Variants in PSME4 observed in about 807,000 individuals in gnomAD.
The protein encoded by PSME4 is proteasome activator subunit 4.
A neutral mutation model predicts 253.9 loss-of-function variants in PSME4; 89 were observed. That is an observed-to-expected ratio of 0.35 (90% confidence interval 0.30 to 0.42). The LOEUF (loss-of-function observed/expected upper bound fraction) is 0.42, where lower values mean the gene tolerates loss of function less well. PSME4 is among the 10% of genes least tolerant of loss of function. The probability of loss-of-function intolerance (pLI) is 1.00; values close to 1 mark genes in which losing one functional copy is unlikely to be tolerated. For synonymous variants in PSME4, 851 were observed against 759.2 expected (o/e 1.12, Z -1.99); for missense variants, 2,014 against 2,195.2 (o/e 0.92, Z 1.65).
intron 17 of PSME4, 28 bp downstream of exon 17, chr2:53,922,489 T>C (rs1265298164): frequency 1.0e-5 from 16 of 1,604,336 alleles, no homozygotes; most frequent in African/African-American, 2.7e-5. Context: ...TTCACAGTCA[T>C]GTTTCTTATT....
At chr2:53,909,227 G>T (rs966133219) in intron 21 of PSME4, among the ~76,000 whole-genome samples, 1 of 152,112 alleles carries the variant, frequency 6.6e-6, no homozygotes. Flanking sequence ...AATTAGTTGT[G>T]GGTGACGTAA....
intron 24 of PSME4, 138 bp downstream of exon 24, chr2:53,908,182 T>C: frequency 1.6e-6 from 1 of 634,178 alleles, no homozygotes; most frequent in South Asian, 2.3e-5. Flanking sequence ...CCATGATGTT[T>C]TTAACTTTTA....
At chr2:53,954,375 C>T (rs537861615) in intron 1 of PSME4, among the ~76,000 whole-genome samples, 2 of 152,158 alleles carry the variant, frequency 1.3e-5, no homozygotes, top group South Asian at 2.1e-4. Context: ...CGCCATGGCT[C>T]ATGCCTGAAA....
At chr2:53,951,941 T>C (rs563389144) in intron 1 of PSME4, among the ~76,000 whole-genome samples, 9 of 152,294 alleles carry the variant, frequency 5.9e-5, no homozygotes, top group South Asian at 2.1e-4. Context: ...TTTTGGGCTG[T>C]TGAATAAGCA....
intron 20 of PSME4, among the ~76,000 whole-genome samples, chr2:53,913,331 C>T (rs544851854): frequency 1.7e-3 from 266 of 152,094 alleles, no homozygotes; most frequent in African/African-American, 6.2e-3. Flanking sequence ...ATGATTAGAG[C>T]AGGACTATGA....
At chr2:53,968,545 T>C (rs771024653) in intron 1 of PSME4, among the ~76,000 whole-genome samples, 1 of 152,174 alleles carries the variant, frequency 6.6e-6, no homozygotes, top group Non-Finnish European at 1.5e-5. Flanking sequence ...CACCTTAACA[T>C]GACTTAGGAA....
chr2:53,906,611 C>T lies in PSME4; in HGVS notation c.2930G>A (p.Ser977Asn). 6.3e-7 allele frequency: 1 copy of T among 1,590,948 alleles called. No individual in the cohort carries two copies. The highest frequency in any genetic ancestry group is 8.5e-7 in the Non-Finnish European group (1 of 1,170,114). The change falls in exon 26 of 47, where the codon AGT becomes AAT. Residue 977 changes from serine (S) to asparagine (N), a missense_variant. By Grantham distance (46) the Ser-to-Asn change is conservative (BLOSUM62 1). Around this residue, in one of 4 missense-constraint regions of PSME4, gnomAD observed 989 missense variants for 1,021.1 expected, o/e 0.97. Coordinates refer to ENST00000404125, the MANE Select transcript of PSME4 (RefSeq NM_014614.3). ...GATAAGCCTTACCTGACTGTATGAA[C>T]TTGTAGATAAACGAAGAAGATCTCT... Reference protein sequence around the residue: ...MIRDLLRLSTSSYSQVRNKAQ... With the variant: ...MIRDLLRLSTNSYSQVRNKAQ...
intron 3 of PSME4, among the ~76,000 whole-genome samples, chr2:53,940,952 C>CATATTTAAATATATATATATATATAT (rs61078234): frequency 1.2e-4 from 3 of 24,026 alleles, no homozygotes; most frequent in African/African-American, 1.6e-4. Context: ...TATATATATA[C>CATATTTAAATATATATATATATATAT]ATATATATAT....
At position 53,921,842 on chromosome 2, in the gene PSME4, T is replaced by C. The variant is rs193282154; in HGVS notation, c.2046+675A>G. ...GAGATCGTGCCACTGCACTCCAGCC[T>C]GGGCGACAGAGCGAGACTCCGTCTC... On this transcript the variant is annotated intron_variant, in intron 17 of 46. Transcript: ENST00000404125. Among the ~76,000 whole-genome samples, 145 of 126,390 alleles carry C rather than the reference T, an allele frequency of 1.1e-3. 1 individual carries two copies. Among genetic ancestry groups the C allele is most frequent in the African/African-American group, 3.9e-3 (135 of 34,778 alleles). The allele number at this position is 126,390 out of a possible 152,430, so 82.9% of individuals were successfully genotyped here.
intron 31 of PSME4, 110 bp downstream of exon 31, chr2:53,897,760 C>A: frequency 8.1e-7 from 1 of 1,235,094 alleles, no homozygotes; most frequent in South Asian, 1.5e-5. Flanking sequence ...CAAATCAATA[C>A]ACTTCAAGAT....
At position 53,904,163 on chromosome 2, in the gene PSME4, G is replaced by T; in HGVS notation, c.2944-7C>A. 6.2e-7 allele frequency: 1 copy of T among 1,605,980 alleles called. No individual in the cohort carries two copies. The highest frequency in any genetic ancestry group is 8.5e-7 in the Non-Finnish European group (1 of 1,175,418). ...GCTGAGCCTTATTTCTCACCTGGAG[G>T]AAGTATTATTAACAAAGGACTTTTA... is the stretch of plus-strand genomic sequence containing the variant. On this transcript the variant is annotated splice_region_variant and splice_polypyrimidine_tract_variant and intron_variant, in intron 26 of 46. Transcript: ENST00000404125.
chr2:53,911,588 C>A (rs1395437259), intron 20 of PSME4, among the ~76,000 whole-genome samples: 1 of 151,938 alleles, frequency 6.6e-6, no homozygotes, highest in Non-Finnish European at 1.5e-5. Context: ...AGTTCCCACC[C>A]TCCCCCCGCC....
chr2:53,912,525 A>G lies in PSME4; in HGVS notation c.2517-2395T>C, dbSNP rs147720176. Among the ~76,000 whole-genome samples the G allele has an allele frequency of 5.2e-3, 788 of 152,308 alleles. 7 individuals carry two copies. The highest frequency in any genetic ancestry group is 0.017 in the African/African-American group (726 of 41,556). ...CAGGCTGCAGTGCAATGGTACGATC[A>G]TGGCTCACTGCAGCCCCAACCTTCC... On this transcript the variant is annotated intron_variant, in intron 20 of 46. Coordinates refer to ENST00000404125, the MANE Select transcript of PSME4 (RefSeq NM_014614.3).
chr2:53,888,052 T>C, intron 38 of PSME4, 63 bp from the exon 39 acceptor site: 1 of 1,484,020 alleles, frequency 6.7e-7, no homozygotes, highest in Middle Eastern at 1.8e-4. Context: ...ATTGACAGTA[T>C]GGACAGACAA....
chr2:53,932,656 G>C lies in PSME4; in HGVS notation c.1050+12C>G. On this transcript the variant is annotated intron_variant, in intron 9 of 46. Coordinates refer to ENST00000404125, the MANE Select transcript of PSME4 (RefSeq NM_014614.3). ...AATTCCAAGCCCTATAATGCAAAAC[G>C]AAGTTACTCACCAGCCAGCGCCCAT... 6.3e-7 allele frequency: 1 copy of C among 1,595,476 alleles called. No homozygotes were observed. Among genetic ancestry groups the C allele is most frequent in the South Asian group, 1.1e-5 (1 of 90,682 alleles).
chr2:53,934,469 G>A, intron 8 of PSME4, 136 bp downstream of exon 8: 1 of 850,442 alleles, frequency 1.2e-6, no homozygotes, highest in East Asian at 2.6e-5. Context: ...ACATGAGCTT[G>A]CTAAATCAGA....
intron 3 of PSME4, among the ~76,000 whole-genome samples, chr2:53,947,093 T>C (rs1303525338): frequency 6.6e-6 from 1 of 152,218 alleles, no homozygotes; most frequent in Non-Finnish European, 1.5e-5. Context: ...AAATGACTTC[T>C]AACCACCTTA....
At chr2:53,872,783 A>G (rs1678943807) in intron 43 of PSME4, among the ~76,000 whole-genome samples, 1 of 147,964 alleles carries the variant, frequency 6.8e-6, no homozygotes. Flanking sequence ...AACCATAAAA[A>G]TGTTCTAAAA....
chr2:53,925,872 A>G (rs1668535064), intron 13 of PSME4, 87 bp downstream of exon 13: 1 of 1,405,926 alleles, frequency 7.1e-7, no homozygotes. Flanking sequence ...AATAAAGGTT[A>G]TAATGCAGAA....
Sources: gnomAD v4.1 joint callset for allele counts (sites outside exome capture counted in the v4.1 genomes callset) on GRCh38, gnomAD v4.1.1 for gene constraint, gnomAD v4.1.1 regional missense constraint, MANE v1.5 for transcripts, NCBI Gene and HGNC (gene_info 2026-07-23, HGNC 2026-07-21) for gene names.